The following WDPCP variants were observed in gnomAD, a reference collection of about 807,000 sequenced individuals.
WDPCP encodes the protein WD repeat containing planar cell polarity effector, also known as WD repeat-containing and planar cell polarity effector protein fritz homolog.
In WDPCP, 71 loss-of-function variants were observed where a neutral mutation model predicts 93.1. The observed-to-expected ratio is 0.76, with a 90% confidence interval of 0.63 to 0.93. WDPCP has a LOEUF of 0.93. Ranked by LOEUF, WDPCP falls within the 40% of genes least tolerant of loss-of-function variation. The pLI, the probability that WDPCP is intolerant of heterozygous loss-of-function variation, is 0.00. For missense variants in WDPCP, 844 were observed against 887.4 expected (o/e 0.95, Z 0.62); for synonymous variants, 315 against 315.0 (o/e 1.00, Z 0.00).
At chr2:63,550,938 T>C (rs2106356642) in intron 1 of WDPCP, among the ~76,000 whole-genome samples, 1 of 152,258 alleles carries the variant, frequency 6.6e-6, no homozygotes, top group Admixed American at 6.5e-5. Flanking sequence ...TATTTTCCTG[T>C]GATTCCAGTT....
At chr2:63,614,433 C>CT (rs1477622612) in intron 3 of WDPCP, among the ~76,000 whole-genome samples, 2 of 152,206 alleles carry the variant, frequency 1.3e-5, no homozygotes, top group Admixed American at 1.3e-4. Context: ...TAGATGAACT[C>CT]TATCATTTTA....
At chr2:63,742,018 CAT>C (rs1461071162) in intron 2 of WDPCP, among the ~76,000 whole-genome samples, 1 of 152,090 alleles carries the variant, frequency 6.6e-6, no homozygotes, top group Non-Finnish European at 1.5e-5. Flanking sequence ...TTTTTTCTCA[CAT>C]GTCAGGCATA....
chr2:63,240,549 AT>A lies in WDPCP; in HGVS notation c.1915+18757del, dbSNP rs1303579802. On this transcript the variant is annotated intron_variant, in intron 14 of 17. Coordinates refer to ENST00000272321, the MANE Select transcript of WDPCP (RefSeq NM_015910.7). ...ACTTGTCCATCCACATTTTGGAATT[AT>A]TGATAGAAGATATTTTTGTTATACT... 2.0e-5 allele frequency among the ~76,000 whole-genome samples: 3 copies of A among 152,112 alleles called. No homozygotes were observed. In the East Asian group the frequency reaches 5.8e-4, roughly 29 times the overall value.
chr2:63,585,934 C>G (rs903976517), intron 1 of WDPCP, among the ~76,000 whole-genome samples: 1 of 150,610 alleles, frequency 6.6e-6, no homozygotes, highest in African/African-American at 2.4e-5. Context: ...TCAAGCAACC[C>G]TCCCACCTCA....
At chr2:63,127,646 C>T (rs897768103) in intron 17 of WDPCP, among the ~76,000 whole-genome samples, 1 of 127,514 alleles carries the variant, frequency 7.8e-6, no homozygotes, top group South Asian at 2.6e-4. Context: ...ATGTAAATAC[C>T]GTGTATGTGT....
At chr2:63,805,328 A>G (rs1670749388) in intron 2 of WDPCP, among the ~76,000 whole-genome samples, 1 of 152,162 alleles carries the variant, frequency 6.6e-6, no homozygotes, top group South Asian at 2.1e-4. Context: ...AGAGGTCAAA[A>G]TGTCACTTTT....
chr2:63,484,052 G>A (rs1423080291), intron 6 of WDPCP, among the ~76,000 whole-genome samples: 3 of 151,964 alleles, frequency 2.0e-5, no homozygotes, highest in Non-Finnish European at 4.4e-5. Flanking sequence ...TGCGGGTAGT[G>A]CAACTGAAGA....
chr2:63,370,769 T>C (rs1691309835), intron 12 of WDPCP, among the ~76,000 whole-genome samples: 1 of 152,148 alleles, frequency 6.6e-6, no homozygotes, highest in Non-Finnish European at 1.5e-5. Flanking sequence ...GTTTTCCCCA[T>C]TTTTCATGTT....
At chr2:63,535,717 T>C (rs948441171) in intron 1 of WDPCP, among the ~76,000 whole-genome samples, 1 of 152,190 alleles carries the variant, frequency 6.6e-6, no homozygotes, top group African/African-American at 2.4e-5. Flanking sequence ...TAATTCGAGA[T>C]GGATTAAAGA....
chr2:63,578,345 G>A (rs571263022), intron 1 of WDPCP, among the ~76,000 whole-genome samples: 19 of 152,240 alleles, frequency 1.2e-4, no homozygotes, highest in African/African-American at 4.6e-4. Flanking sequence ...CCTACAGACA[G>A]CGCACAGCTC....
At chr2:63,795,902 C>T (rs916370213) in intron 2 of WDPCP, among the ~76,000 whole-genome samples, 1 of 152,192 alleles carries the variant, frequency 6.6e-6, no homozygotes, top group Admixed American at 6.5e-5. Context: ...TGTTCAGGTA[C>T]CCATTCCCTT....
chr2:63,217,531 A>G (rs17432719), intron 14 of WDPCP, among the ~76,000 whole-genome samples: 54,764 of 152,128 alleles, frequency 0.36, 12,479 homozygotes, highest in Non-Finnish European at 0.5. Context: ...TTGATCCTCA[A>G]TTAGGAAAAT....
chr2:63,517,107 C>T (rs1257257776), intron 1 of WDPCP, among the ~76,000 whole-genome samples: 8 of 152,164 alleles, frequency 5.3e-5, no homozygotes, highest in African/African-American at 1.9e-4. Context: ...TTCATCTCTA[C>T]TATTACCACT....
At chr2:63,318,996 T>C (rs1215628099) in intron 12 of WDPCP, among the ~76,000 whole-genome samples, 1 of 151,966 alleles carries the variant, frequency 6.6e-6, no homozygotes, top group African/African-American at 2.4e-5. Context: ...AGAAGACATA[T>C]CATCTAAAAA....
chr2:63,648,987 T>A (rs559501509), intron 3 of WDPCP, among the ~76,000 whole-genome samples: 2 of 152,342 alleles, frequency 1.3e-5, no homozygotes, highest in African/African-American at 4.8e-5. Flanking sequence ...TGGGCCCAAG[T>A]ACAATACTTA....
chr2:63,756,926 C>T (rs1200369864), intron 2 of WDPCP, among the ~76,000 whole-genome samples: 1 of 152,128 alleles, frequency 6.6e-6, no homozygotes, highest in Non-Finnish European at 1.5e-5. Context: ...ACACTGTGCT[C>T]ATATCAAAGT....
At chr2:63,809,927 TA>T (rs1670837087) in intron 2 of WDPCP, among the ~76,000 whole-genome samples, 1 of 151,474 alleles carries the variant, frequency 6.6e-6, no homozygotes, top group Admixed American at 6.6e-5. Context: ...AATAAATAAA[TA>T]AAATTAAATT....
At chr2:63,328,210 T>A (rs370611916) in intron 12 of WDPCP, among the ~76,000 whole-genome samples, 2 of 145,902 alleles carry the variant, frequency 1.4e-5, no homozygotes, top group African/African-American at 2.6e-5. Flanking sequence ...ACCCGTCAGC[T>A]CTCTGTAAAA....
intron 12 of WDPCP, among the ~76,000 whole-genome samples, chr2:63,376,364 C>A (rs975576213): frequency 6.6e-6 from 1 of 151,696 alleles, no homozygotes; most frequent in Non-Finnish European, 1.5e-5. Context: ...ATAATAGTGA[C>A]CTTATCAAAG....
Sources: gnomAD v4.1 joint callset for allele counts (sites outside exome capture counted in the v4.1 genomes callset) on GRCh38, gnomAD v4.1.1 for gene constraint, MANE v1.5 for transcripts, NCBI Gene and HGNC (gene_info 2026-07-23, HGNC 2026-07-21) for gene names.